Variants in PPP6R1 observed in about 807,000 individuals in gnomAD.
PPP6R1 encodes serine/threonine-protein phosphatase 6 regulatory subunit 1.
In PPP6R1, 39 loss-of-function variants were observed where a neutral mutation model predicts 104.6. That is an observed-to-expected ratio of 0.37 (90% CI 0.29 to 0.49). PPP6R1 has a LOEUF of 0.49. Ranked by LOEUF, PPP6R1 falls within the 20% of genes least tolerant of loss-of-function variation. The pLI, the probability that PPP6R1 is intolerant of heterozygous loss-of-function variation, is 0.98. For missense variants in PPP6R1, 1,181 were observed against 1,155.8 expected (o/e 1.02, Z -0.32); for synonymous variants, 549 against 479.0 (o/e 1.15, Z -1.91).
chr19:55,236,673 C>T lies in PPP6R1; in HGVS notation c.1958G>A (p.Gly653Glu), dbSNP rs946294953. 18 of 1,597,260 alleles carry T rather than the reference C, an allele frequency of 1.1e-5. No homozygotes were observed. Among genetic ancestry groups the T allele is most frequent in the Admixed American group, 3.5e-5 (2 of 57,902 alleles). The change falls in exon 17 of 24, where the codon GGG becomes GAG. Residue 653 changes from glycine to glutamate, a missense_variant. Coordinates refer to ENST00000412770, the MANE Select transcript of PPP6R1 (RefSeq NM_014931.4). Reference sequence around the variant, plus strand: ...ACCAGGTGGCTGGCCCAGACGGGCCCCCCTGGCCAGCTGGCTGCCCTGCCA... The same window carrying T: ...ACCAGGTGGCTGGCCCAGACGGGCCTCCCTGGCCAGCTGGCTGCCCTGCCA... Reference protein sequence around the residue: ...GAWQGSQLARGARLGQPPGVR... With the variant: ...GAWQGSQLAREARLGQPPGVR...
At chr19:55,248,117 T>C (rs2087525648) in intron 1 of PPP6R1, among the ~76,000 whole-genome samples, 1 of 152,208 alleles carries the variant, frequency 6.6e-6, no homozygotes. Flanking sequence ...ACTACATCAC[T>C]GCTCCGCAGA....
In PPP6R1 at chr19:55,242,201, C is replaced by A; in HGVS notation, c.810G>T (p.Gln270His). The change falls in exon 7 of 24, where the codon CAG (glutamine) becomes CAT (histidine). Residue 270 changes from glutamine (Q) to histidine (H), a missense_variant. Coordinates refer to ENST00000412770, the MANE Select transcript of PPP6R1 (RefSeq NM_014931.4). ...QSQSVIVSGI[Q>H]VLLTLLEPRR... ...TGGGCTCCAGCAGGGTCAGCAGCAC[C>A]TGGATCCCACTGACGATGACAGACT... 2 of 1,613,828 alleles carry A rather than the reference C, an allele frequency of 1.2e-6. No homozygotes were observed. The highest frequency in any genetic ancestry group is 2.2e-5 in the South Asian group (2 of 91,088).
downstream of PPP6R1, chr19:55,228,917 G>A (rs1363626464): frequency 6.2e-6 from 4 of 641,256 alleles, no homozygotes; most frequent in Non-Finnish European, 1.1e-5. Flanking sequence ...GGCGCCCGCT[G>A]ATAAAGCACT....
chr19:55,241,038 G>A lies in PPP6R1; in HGVS notation c.1203C>T (p.Ala401=), dbSNP rs771792662. The A allele has an allele frequency of 6.8e-5, 106 of 1,563,522 alleles. No homozygotes were observed. Among genetic ancestry groups the A allele is most frequent in the Non-Finnish European group, 9.0e-5 (104 of 1,154,106 alleles). The part of the protein sequence containing the change: ...FHYVFNNFLH[A]QVEGCVSTML... ...TGGTGCTCACGCATCCCTCTACTTG[G>A]GCATGCAAGAAGTTGTTGAAGACAT... Residue 401 remains alanine, a synonymous_variant, in exon 10 of 24, where the codon GCC becomes GCT. Coordinates refer to ENST00000412770, the MANE Select transcript of PPP6R1 (RefSeq NM_014931.4). This position sits in a 1 kb window ranked among gnomAD's most constrained non-coding sequence, Gnocchi z 5.4.
Position 55,240,514 on chromosome 19 carries a change from T to TACACACAC in PPP6R1, c.1297-222_1297-215dup, listed in dbSNP as rs777717878. 2.2e-3 allele frequency among the ~76,000 whole-genome samples: 296 copies of TACACACAC among 136,018 alleles called. 1 individual carries two copies. Among genetic ancestry groups the TACACACAC allele is most frequent in the Admixed American group, 7.0e-3 (95 of 13,652 alleles). The allele number at this position is 136,018 out of a possible 152,430, so 89.2% of individuals were successfully genotyped here. A position where few individuals can be genotyped will look rare whatever the true frequency, so the allele number is the denominator to read the frequency against. The stretch of plus-strand genomic sequence containing the variant: ...TTTCTACAAAAGAATATGTGGTGCA[T>TACACACAC]ACACACACACACACACACACACACA... On this transcript the variant is annotated intron_variant, in intron 10 of 23. Transcript: ENST00000412770.
intron 5 of PPP6R1, among the ~76,000 whole-genome samples, chr19:55,242,996 C>T (rs2087472362): frequency 6.6e-6 from 1 of 151,690 alleles, no homozygotes; most frequent in Non-Finnish European, 1.5e-5. Context: ...TTGCCGGGGG[C>T]TAAGAAGAGA....
At position 55,230,664 on chromosome 19, in the gene PPP6R1, G is replaced by A. The variant is rs781308919; in HGVS notation, c.2591C>T (p.Pro864Leu). 1.2e-6 allele frequency: 2 copies of A among 1,604,178 alleles called. No individual in the cohort carries two copies. The highest frequency in any genetic ancestry group is 1.3e-5 in the African/African-American group (1 of 74,774). ...CGGGGCAGAGCCATTGGGTATCGGA[G>A]GAGGCGTGAGGGCCTGGGCACTGTC... ...QSQSAQALTP[P>L]PIPNGSAPEG... The change falls in exon 23 of 24, where the codon CCT (proline) becomes CTT (leucine). Residue 864 changes from proline (P) to leucine (L), a missense_variant. Around this residue, in one of 2 missense-constraint regions of PPP6R1, gnomAD observed 1,042 missense variants for 955.6 expected, o/e 1.09. Transcript: ENST00000412770.
intron 1 of PPP6R1, among the ~76,000 whole-genome samples, chr19:55,248,358 C>G (rs2087527627): frequency 6.6e-6 from 1 of 152,252 alleles, no homozygotes; most frequent in East Asian, 1.9e-4. Context: ...CTGGTCCCAG[C>G]AGACAGCCTT....
downstream of PPP6R1, chr19:55,228,714 G>A: frequency 6.2e-7 from 1 of 1,613,288 alleles, no homozygotes. Context: ...TGAGTCTTCA[G>A]GGTCTGCCCC....
At position 55,230,339 on chromosome 19, in the gene PPP6R1, CTT is replaced by C. The variant is rs2087328632; in HGVS notation, c.*187_*188del. 2.7e-6 allele frequency: 2 copies of C among 732,798 alleles called. No individual in the cohort carries two copies. Among genetic ancestry groups the C allele is most frequent in the Non-Finnish European group, 4.4e-6 (2 of 452,734 alleles). The allele number at this position is 732,798 out of a possible 1,614,324, so 45.4% of individuals were successfully genotyped here. The stretch of plus-strand genomic sequence containing the variant: ...TAGGAGGCAACGCTCCAAAACTTCT[CTT>C]CTCAGTGCAAATGGGGGTGGGTTGG... On this transcript the variant is annotated 3_prime_UTR_variant, in exon 24 of 24. Coordinates refer to ENST00000412770, the MANE Select transcript of PPP6R1 (RefSeq NM_014931.4).
chr19:55,231,364 A>G (rs761963269), intron 21 of PPP6R1, 46 bp downstream of exon 21: 10 of 1,527,614 alleles, frequency 6.5e-6, no homozygotes, highest in Non-Finnish European at 8.0e-6. Context: ...AGCGAAGAGG[A>G]GAAAAGACTT....
chr19:55,249,489 C>T (rs888843365), intron 1 of PPP6R1, among the ~76,000 whole-genome samples: 2 of 152,104 alleles, frequency 1.3e-5, no homozygotes, highest in African/African-American at 4.8e-5. Context: ...GATCCGCCCA[C>T]CTGGGCCTCT....
At chr19:55,244,749 CT>C (rs554641104) in intron 5 of PPP6R1, among the ~76,000 whole-genome samples, 448 of 146,092 alleles carry the variant, frequency 3.1e-3, no homozygotes, top group South Asian at 0.015. Flanking sequence ...TCTTTTCTTT[CT>C]TTTTTTTTTT....
At chr19:55,247,140 C>CA in intron 1 of PPP6R1, 31 bp from the exon 2 acceptor site, 1 of 1,599,086 alleles carries the variant, frequency 6.3e-7, no homozygotes, top group Non-Finnish European at 8.5e-7. Context: ...AGCGCCGCGT[C>CA]AGACGCCCCA....
At chr19:55,234,650 TCACAGCGGCTG>T (rs996990453) in intron 17 of PPP6R1, among the ~76,000 whole-genome samples, 1 of 89,092 alleles carries the variant, frequency 1.1e-5, no homozygotes, top group Non-Finnish European at 2.0e-5. Flanking sequence ...GCGGCCGCAC[TCACAGCGGCTG>T]CACTCACAGC....
At chr19:55,252,185 C>T (rs189033922) in intron 1 of PPP6R1, among the ~76,000 whole-genome samples, 3 of 152,274 alleles carry the variant, frequency 2.0e-5, no homozygotes, top group Non-Finnish European at 2.9e-5. Flanking sequence ...GTGATGTTTC[C>T]ACAACGTTGT....
At position 55,246,987 on chromosome 19, in the gene PPP6R1, G is replaced by A. The variant is rs556142074; in HGVS notation, c.117C>T (p.Val39=). The A allele has an allele frequency of 3.0e-5, 49 of 1,613,888 alleles. No individual in the cohort carries two copies. Among genetic ancestry groups the A allele is most frequent in the South Asian group, 7.7e-5 (7 of 91,084 alleles). The change falls in exon 2 of 24, where the codon GTC becomes GTT. Residue 39 remains valine (V), a synonymous_variant. Coordinates refer to ENST00000412770, the MANE Select transcript of PPP6R1 (RefSeq NM_014931.4). The stretch of plus-strand genomic sequence containing the variant: ...GGAAGTCCAGCAGCTTGCGGTTGAC[G>A]ACCTTGCACTCCTGCAGCACGTCTT... ...DEEDVLQECK[V]VNRKLLDFLL...
intron 1 of PPP6R1, among the ~76,000 whole-genome samples, chr19:55,257,904 C>G (rs1448487165): frequency 1.3e-5 from 2 of 152,246 alleles, no homozygotes; most frequent in Non-Finnish European, 2.9e-5. Flanking sequence ...AGAAGCCCCG[C>G]TCCCAGGTCC....
In PPP6R1 at chr19:55,232,260, G is replaced by A. The variant is rs140903208; in HGVS notation, c.1989-49C>T. 3,320 of 1,498,148 alleles carry A rather than the reference G, an allele frequency of 2.2e-3. 9 individuals are homozygous for A. Among genetic ancestry groups the A allele is most frequent in the Middle Eastern group, 0.018 (77 of 4,390 alleles). The allele number at this position is 1,498,148 out of a possible 1,614,324, so 92.8% of individuals were successfully genotyped here. A position where few individuals can be genotyped will look rare whatever the true frequency, so the allele number is the denominator to read the frequency against. On this transcript the variant is annotated intron_variant, in intron 17 of 23. Coordinates refer to ENST00000412770, the MANE Select transcript of PPP6R1 (RefSeq NM_014931.4). Reference sequence around the variant, plus strand: ...GCTAGCTGTGTGGGACAGACCGGCCGACACCCATCCTGTTCCCTGCAGCCC... The same window carrying A: ...GCTAGCTGTGTGGGACAGACCGGCCAACACCCATCCTGTTCCCTGCAGCCC...
Sources: allele counts gnomAD v4.1 joint callset (sites outside exome capture counted in the v4.1 genomes callset), GRCh38; gene constraint gnomAD v4.1.1; regional missense constraint gnomAD v4.1.1; non-coding constraint Gnocchi (gnomAD v3.1); transcripts MANE v1.5; gene names NCBI Gene and HGNC (gene_info 2026-07-23, HGNC 2026-07-21).